Variants in CCSER1 observed in about 807,000 individuals in gnomAD.
CCSER1 encodes serine-rich coiled-coil domain-containing protein 1.
A neutral mutation model predicts 82.0 loss-of-function variants in CCSER1; 41 were observed. The ratio of observed to expected loss-of-function variants is 0.50; its 90% CI spans 0.39 to 0.65. The LOEUF (loss-of-function observed/expected upper bound fraction) is 0.65, where lower values mean the gene tolerates loss of function less well. Among genes scored for constraint, CCSER1 ranks in the 30% least tolerant of loss-of-function variants. The probability of loss-of-function intolerance (pLI) is 0.00; values close to 1 mark genes in which losing one functional copy is unlikely to be tolerated. For synonymous variants in CCSER1, 414 were observed against 383.9 expected (o/e 1.08, Z -0.92); for missense variants, 1,119 against 1,064.2 (o/e 1.05, Z -0.72).
chr4:90,838,157 AAATC>A (rs1762048966), intron 8 of CCSER1, among the ~76,000 whole-genome samples: 1 of 151,858 alleles, frequency 6.6e-6, no homozygotes, highest in Non-Finnish European at 1.5e-5. Context: ...TATCCCATAT[AAATC>A]TATATAAGAA....
chr4:90,835,887 T>C (rs1023261721), intron 8 of CCSER1, among the ~76,000 whole-genome samples: 1 of 152,214 alleles, frequency 6.6e-6, no homozygotes, highest in Admixed American at 6.5e-5. Flanking sequence ...ACACAAGGTC[T>C]GGGGCATAAT....
At position 90,299,946 on chromosome 4, in the gene CCSER1, A is replaced by T. The variant is rs10028663; in HGVS notation, c.-41-8298A>T. ...TTCTGCCATCATTTTCTTAATGTTA[A>T]AATTATTACCTAGGAAATATCTGTT... On this transcript the variant is annotated intron_variant, in intron 1 of 10. Transcript: ENST00000509176. Among the ~76,000 whole-genome samples, 918 of 152,222 alleles carry T rather than the reference A, an allele frequency of 6.0e-3. 8 individuals are homozygous for T. The highest frequency in any genetic ancestry group is 0.021 in the African/African-American group (889 of 41,528).
At chr4:90,850,940 T>G (rs1408049927) in intron 8 of CCSER1, among the ~76,000 whole-genome samples, 1 of 152,180 alleles carries the variant, frequency 6.6e-6, no homozygotes, top group Non-Finnish European at 1.5e-5. Context: ...TTCCCCACAT[T>G]TCAAGGGTAG....
intron 9 of CCSER1, among the ~76,000 whole-genome samples, chr4:90,990,713 T>C (rs1472649682): frequency 1.3e-5 from 2 of 151,922 alleles, no homozygotes; most frequent in Admixed American, 6.6e-5. Context: ...TCCCTGGGTC[T>C]TTCTAAAATA....
chr4:91,163,676 C>G (rs1420064073), intron 10 of CCSER1, among the ~76,000 whole-genome samples: 1 of 152,080 alleles, frequency 6.6e-6, no homozygotes, highest in African/African-American at 2.4e-5. Context: ...ATTCCTTTAC[C>G]CTTATGTAAT....
At chr4:91,122,999 T>C (rs1012894336) in intron 10 of CCSER1, among the ~76,000 whole-genome samples, 39 of 151,746 alleles carry the variant, frequency 2.6e-4, no homozygotes, top group African/African-American at 9.2e-4. Flanking sequence ...AATTTTCATA[T>C]AGGGCAGAAT....
At chr4:90,439,495 A>T (rs140597665) in intron 4 of CCSER1, among the ~76,000 whole-genome samples, 2 of 152,236 alleles carry the variant, frequency 1.3e-5, no homozygotes, top group Admixed American at 1.3e-4. Context: ...ATATATCCCT[A>T]CCCTAATCTT....
At chr4:90,707,427 A>G (rs924803681) in intron 6 of CCSER1, among the ~76,000 whole-genome samples, 12 of 151,662 alleles carry the variant, frequency 7.9e-5, no homozygotes, top group Non-Finnish European at 1.2e-4. Context: ...TTAAATTCCT[A>G]CAGAATCTGT....
chr4:90,683,261 A>C (rs1734213548), intron 6 of CCSER1: 1 of 152,154 alleles, frequency 6.6e-6, no homozygotes, highest in Admixed American at 6.6e-5. Context: ...AGAATCTTAA[A>C]GTGCTTCTAT....
intron 8 of CCSER1, among the ~76,000 whole-genome samples, chr4:90,856,833 A>G (rs1764516243): frequency 6.6e-6 from 1 of 152,112 alleles, no homozygotes. Flanking sequence ...AAATGCCATA[A>G]TATTTTATCA....
intron 9 of CCSER1, among the ~76,000 whole-genome samples, chr4:91,024,453 A>T (rs1248333597): frequency 1.3e-5 from 2 of 152,092 alleles, no homozygotes; most frequent in East Asian, 3.8e-4. Flanking sequence ...AGAAAAACTG[A>T]GTTTTTAAAA....
intron 1 of CCSER1, among the ~76,000 whole-genome samples, chr4:90,288,797 GT>G (rs1730394723): frequency 6.6e-6 from 1 of 151,842 alleles, no homozygotes; most frequent in Admixed American, 6.6e-5. Context: ...TCTTCCTCAT[GT>G]TTCTTTCACA....
intron 7 of CCSER1, among the ~76,000 whole-genome samples, chr4:90,809,640 C>A (rs891288397): frequency 6.6e-6 from 1 of 151,924 alleles, no homozygotes; most frequent in Admixed American, 6.6e-5. Context: ...CTATACAATT[C>A]ATCCATGTAA....
intron 5 of CCSER1, among the ~76,000 whole-genome samples, chr4:90,566,032 A>ATT (rs375375662): frequency 4.1e-5 from 5 of 122,540 alleles, no homozygotes; most frequent in South Asian, 2.6e-4. Flanking sequence ...TAATTTTTGT[A>ATT]TTTTTTTTTT....
chr4:90,198,540 G>T (rs1332603270), intron 1 of CCSER1, among the ~76,000 whole-genome samples: 1 of 152,062 alleles, frequency 6.6e-6, no homozygotes, highest in Non-Finnish European at 1.5e-5. Flanking sequence ...GACCCTTGAT[G>T]TTGCAAATCA....
At chr4:91,214,468 C>T (rs1737081951) in intron 10 of CCSER1, among the ~76,000 whole-genome samples, 2 of 152,112 alleles carry the variant, frequency 1.3e-5, no homozygotes, top group Admixed American at 1.3e-4. Flanking sequence ...ACATATTAGT[C>T]TGTTATATTA....
chr4:91,293,716 A>AT (rs201951729), intron 10 of CCSER1, among the ~76,000 whole-genome samples: 16 of 151,086 alleles, frequency 1.1e-4, no homozygotes, highest in South Asian at 2.1e-4. Flanking sequence ...ATCTATGGTG[A>AT]TTTTTTTTTA....
At chr4:91,148,994 A>G (rs1729843460) in intron 10 of CCSER1, among the ~76,000 whole-genome samples, 2 of 139,474 alleles carry the variant, frequency 1.4e-5, no homozygotes, top group Admixed American at 7.4e-5. Context: ...CTTTGGGTAT[A>G]TACCCAGCAG....
At chr4:90,540,221 A>C (rs17017084) in intron 5 of CCSER1, among the ~76,000 whole-genome samples, 5,037 of 152,250 alleles carry the variant, frequency 0.033, 274 homozygotes, top group African/African-American at 0.11. Flanking sequence ...ATAGAAAAAT[A>C]ATACTGTGAA....
Sources: allele counts gnomAD v4.1 joint callset (sites outside exome capture counted in the v4.1 genomes callset), GRCh38; gene constraint gnomAD v4.1.1; transcripts MANE v1.5; gene names NCBI Gene and HGNC (gene_info 2026-07-23, HGNC 2026-07-21).